Variants in IRF8 observed in about 807,000 individuals in gnomAD.
IRF8 encodes the protein interferon consensus sequence binding protein 1.
A neutral mutation model predicts 48.7 loss-of-function variants in IRF8; 14 were observed. That is an observed-to-expected ratio of 0.29 (90% confidence interval 0.19 to 0.45). The LOEUF (loss-of-function observed/expected upper bound fraction) is 0.45, where lower values mean the gene tolerates loss of function less well. IRF8 is among the 20% of genes least tolerant of loss of function. The pLI, the probability that IRF8 is intolerant of heterozygous loss-of-function variation, is 1.00. For synonymous variants in IRF8, 278 were observed against 227.3 expected, an observed-to-expected ratio of 1.22 and a Z score of -2.01; for missense variants, 493 against 580.7, an observed-to-expected ratio of 0.85 and a Z score of 1.55.
At chr16:85,916,819 G>A (rs1286094838) in intron 6 of IRF8, among the ~76,000 whole-genome samples, 1 of 152,234 alleles carries the variant, frequency 6.6e-6, no homozygotes, top group African/African-American at 2.4e-5. Context: ...GGCGTGGGGG[G>A]AAGATGATGA....
At chr16:85,914,663 G>A in intron 6 of IRF8, 143 bp downstream of exon 6, 2 of 929,620 alleles carry the variant, frequency 2.2e-6, no homozygotes, top group Non-Finnish European at 3.3e-6. Context: ...AGCAGGACCT[G>A]GTGTGGAAGT....
chr16:85,900,485 T>G (rs1904794827), intron 1 of IRF8, among the ~76,000 whole-genome samples: 1 of 152,252 alleles, frequency 6.6e-6, no homozygotes, highest in African/African-American at 2.4e-5. Flanking sequence ...ATCTCAGGCT[T>G]TTGATGTTAC....
At chr16:85,899,270 T>A (rs1246208374) in intron 1 of IRF8, 47 bp downstream of exon 1, 1 of 152,158 alleles carries the variant, frequency 6.6e-6, no homozygotes, top group African/African-American at 2.4e-5. Context: ...CGCGGTCCGG[T>A]CCCGCGGGGT....
chr16:85,903,053 G>A lies in IRF8; in HGVS notation c.38G>A (p.Trp13Ter). ...DRNGGRRLRQ[W>*]LIEQIDSSMY... ...AATGGTGGTCGGCGGCTTCGACAGT[G>A]GCTGATCGAGCAGATTGACAGTAGC... Residue 13 changes from tryptophan (W) to a stop codon, truncating the protein, a stop_gained, in exon 2 of 9, where the codon TGG (tryptophan) becomes TAG (stop). Coordinates refer to ENST00000268638, the MANE Select transcript of IRF8 (RefSeq NM_002163.4). LOFTEE classifies it high-confidence loss of function. 6.2e-7 allele frequency: 1 copy of A among 1,614,200 alleles called. No individual in the cohort carries two copies. The highest frequency in any genetic ancestry group is 8.5e-7 in the Non-Finnish European group (1 of 1,180,032).
intron 6 of IRF8, chr16:85,918,213 G>T: frequency 1.7e-6 from 1 of 591,436 alleles, no homozygotes; most frequent in Non-Finnish European, 2.9e-6. Context: ...TTCAGTCATT[G>T]GTTTCCTTAG....
At position 85,903,105 on chromosome 16, in the gene IRF8, T is replaced by C. The variant is rs772616220; in HGVS notation, c.90T>C (p.Asn30=). ...SSMYPGLIWE[N]EEKSMFRIPW... ...TGTATCCAGGACTGATTTGGGAGAATGAGGAGAAGAGCATGTTCCGGATCC... is the reference window on the plus strand; with the variant it reads ...TGTATCCAGGACTGATTTGGGAGAACGAGGAGAAGAGCATGTTCCGGATCC... The change falls in exon 2 of 9, where the codon AAT becomes AAC. Residue 30 remains asparagine (N), a synonymous_variant. Coordinates refer to ENST00000268638, the MANE Select transcript of IRF8 (RefSeq NM_002163.4). 3.5e-5 allele frequency: 57 copies of C among 1,613,910 alleles called. No homozygotes were observed. In the East Asian group the frequency reaches 1.2e-3, roughly 35 times the overall value.
At chr16:85,903,332 G>A (rs1293231377) in intron 2 of IRF8, 143 bp downstream of exon 2, 3 of 773,486 alleles carry the variant, frequency 3.9e-6, no homozygotes, top group African/African-American at 3.4e-5. Context: ...CAGGAGTGCT[G>A]AATGTGTCTC....
chr16:85,905,225 G>C (rs1275640207), intron 2 of IRF8, among the ~76,000 whole-genome samples: 8 of 152,208 alleles, frequency 5.3e-5, no homozygotes, highest in Non-Finnish European at 8.8e-5. Flanking sequence ...AGGCACAGTT[G>C]CAGGTTGGAC....
At chr16:85,910,473 C>T (rs1905111811) in intron 3 of IRF8, among the ~76,000 whole-genome samples, 2 of 152,122 alleles carry the variant, frequency 1.3e-5, no homozygotes, top group Non-Finnish European at 2.9e-5. Flanking sequence ...CCTCATTTCC[C>T]AGTTTTGGAC....
chr16:85,920,188 T>A lies in IRF8; in HGVS notation c.1068T>A (p.Asp356Glu). ...TGTGCTTTGGGGAAGAGTTTCCGGA[T>A]ATGGCCCCCTTGCGCTCCAAACTCA... ...VVLCFGEEFP[D>E]MAPLRSKLIL... Residue 356 changes from aspartate (D) to glutamate (E), a missense_variant, in exon 8 of 9, where the codon GAT (aspartate) becomes GAA (glutamate). Coordinates refer to ENST00000268638, the MANE Select transcript of IRF8 (RefSeq NM_002163.4). 6.2e-7 allele frequency: 1 copy of A among 1,612,626 alleles called. No individual in the cohort carries two copies. The highest frequency in any genetic ancestry group is 8.5e-7 in the Non-Finnish European group (1 of 1,179,474).
chr16:85,915,044 C>A (rs1423798444), intron 6 of IRF8, among the ~76,000 whole-genome samples: 1 of 152,234 alleles, frequency 6.6e-6, no homozygotes, highest in Admixed American at 6.5e-5. Flanking sequence ...GGTGGAGCCT[C>A]TCAGAGCCTC....
In IRF8 at chr16:85,911,483, T is replaced by A. The variant is rs914957319; in HGVS notation, c.359-87T>A. On this transcript the variant is annotated intron_variant, in intron 3 of 8. Coordinates refer to ENST00000268638, the MANE Select transcript of IRF8 (RefSeq NM_002163.4). ...TCACTAACTTAATGTTTCCTTAAAC[T>A]CAGCATTTACAGAGTAGATTATGGC... The A allele has an allele frequency of 5.3e-6, 6 of 1,141,686 alleles. No homozygotes were observed. In the East Asian group the frequency reaches 9.5e-5, roughly 18 times the overall value. The allele number at this position is 1,141,686 out of a possible 1,614,324, so 70.7% of individuals were successfully genotyped here.
chr16:85,905,354 G>A (rs1408732868), intron 2 of IRF8, among the ~76,000 whole-genome samples: 3 of 151,816 alleles, frequency 2.0e-5, no homozygotes, highest in Non-Finnish European at 2.9e-5. Flanking sequence ...ACTTCAACTT[G>A]TGCTCGGGGG....
chr16:85,919,530 T>C (rs566987622), intron 7 of IRF8, among the ~76,000 whole-genome samples: 25 of 152,226 alleles, frequency 1.6e-4, no homozygotes, highest in African/African-American at 5.8e-4. Context: ...GGAATCCCCC[T>C]AGTGAGGAGG....
chr16:85,914,596 G>C, intron 6 of IRF8, 76 bp downstream of exon 6: 1 of 1,531,816 alleles, frequency 6.5e-7, no homozygotes, highest in South Asian at 1.1e-5. Flanking sequence ...GCAGGGTTGC[G>C]GGGTTTCGAG....
chr16:85,918,601 A>G lies in IRF8; in HGVS notation c.786A>G (p.Arg262=). The G allele has an allele frequency of 6.2e-7, 1 of 1,607,570 alleles. No homozygotes were observed. The highest frequency in any genetic ancestry group is 8.5e-7 in the Non-Finnish European group (1 of 1,179,450). ...CGGCCGACGCCATCCCCAGCGAGCGACAGAGGCAGGTGACGCGGAAGCTGT... is the reference window on the plus strand; with the variant it reads ...CGGCCGACGCCATCCCCAGCGAGCGGCAGAGGCAGGTGACGCGGAAGCTGT... ...FPPADAIPSE[R]QRQVTRKLFG... Residue 262 remains arginine, a synonymous_variant, in exon 7 of 9, where the codon CGA becomes CGG. Transcript: ENST00000268638.
intron 1 of IRF8, chr16:85,902,755 A>T (rs368032120): frequency 1.7e-5 from 9 of 521,722 alleles, no homozygotes; most frequent in African/African-American, 1.3e-4. Context: ...CACAGCCAGC[A>T]CAGTGGGAGG....
intron 3 of IRF8, among the ~76,000 whole-genome samples, chr16:85,910,986 G>A (rs181616764): frequency 1.4e-4 from 21 of 152,344 alleles, no homozygotes; most frequent in African/African-American, 4.1e-4. Context: ...CTGGCCCAGC[G>A]TGCCCCTGTG....
chr16:85,915,188 G>A (rs1160678653), intron 6 of IRF8, among the ~76,000 whole-genome samples: 2 of 152,128 alleles, frequency 1.3e-5, no homozygotes, highest in African/African-American at 2.4e-5. Context: ...TAGTCTCAGC[G>A]GCTAAGGACC....
Sources: allele counts gnomAD v4.1 joint callset (sites outside exome capture counted in the v4.1 genomes callset), GRCh38; gene constraint gnomAD v4.1.1; transcripts MANE v1.5; gene names NCBI Gene and HGNC (gene_info 2026-07-23, HGNC 2026-07-21).